SLC12A3: variants seen among roughly 807,000 people sequenced by gnomAD.
The protein encoded by SLC12A3 is solute carrier family 12 member 3.
In SLC12A3, 104 loss-of-function variants were observed where a neutral mutation model predicts 121.0. That is an observed-to-expected ratio of 0.86 (90% CI 0.73 to 1.01). The LOEUF (loss-of-function observed/expected upper bound fraction) is 1.01, where lower values mean the gene tolerates loss of function less well. Among genes scored for constraint, SLC12A3 ranks in the 50% least tolerant of loss-of-function variants. SLC12A3 has a pLI of 0.00. For synonymous variants in SLC12A3, 536 were observed against 533.4 expected (o/e 1.00, Z -0.07); for missense variants, 1,328 against 1,356.3 (o/e 0.98, Z 0.33).
rs776382586 is a variant in SLC12A3, at chr16:56,887,999, G to C, written c.2253G>C (p.Pro751=). The stretch of plus-strand genomic sequence containing the variant: ...AGAAGAACTGGCAGTCGGCTCACCC[G>C]GCCACAGTGGAAGACTACATTGGCA... ...GFKKNWQSAH[P]ATVEDYIGIL... The change falls in exon 18 of 26, where the codon CCG becomes CCC. Residue 751 remains proline, a synonymous_variant. Coordinates refer to ENST00000563236, the MANE Select transcript of SLC12A3 (RefSeq NM_001126108.2). The C allele has an allele frequency of 1.2e-6, 2 of 1,611,566 alleles. No individual in the cohort carries two copies. The highest frequency in any genetic ancestry group is 1.3e-5 in the African/African-American group (1 of 74,756).
At chr16:56,873,529 G>A (rs1273151104) in intron 8 of SLC12A3, among the ~76,000 whole-genome samples, 2 of 149,466 alleles carry the variant, frequency 1.3e-5, no homozygotes, top group African/African-American at 4.9e-5. Context: ...TGGGATTACA[G>A]GTGCCTGCCA....
chr16:56,877,728 A>G (rs1865834), intron 8 of SLC12A3, among the ~76,000 whole-genome samples: 69,760 of 151,516 alleles, frequency 0.46, 16,052 homozygotes, highest in East Asian at 0.61. Context: ...CCCTGCCCCC[A>G]CCCTTACCAC....
chr16:56,887,145 C>T, intron 17 of SLC12A3, 52 bp downstream of exon 17: 2 of 1,612,006 alleles, frequency 1.2e-6, no homozygotes, highest in East Asian at 2.2e-5. Context: ...GTGGCACAAC[C>T]TGGAAGGCAG....
intron 20 of SLC12A3, 70 bp downstream of exon 20, chr16:56,892,203 G>C (rs765793838): frequency 3.5e-6 from 5 of 1,413,406 alleles, no homozygotes; most frequent in Non-Finnish European, 5.0e-6. Flanking sequence ...TAGCCCTGTG[G>C]GGTGGCTAGG....
At chr16:56,875,438 T>C (rs754864088) in intron 8 of SLC12A3, among the ~76,000 whole-genome samples, 2 of 152,164 alleles carry the variant, frequency 1.3e-5, no homozygotes, top group Non-Finnish European at 2.9e-5. Flanking sequence ...ATCATTGTCA[T>C]TTTTACCATG....
At position 56,902,465 on chromosome 16, in the gene SLC12A3, C is replaced by T. The variant is rs1356880677; in HGVS notation, c.2813C>T (p.Pro938Leu). 6.2e-7 allele frequency: 1 copy of T among 1,608,316 alleles called. No individual in the cohort carries two copies. The highest frequency in any genetic ancestry group is 2.2e-5 in the East Asian group (1 of 44,516). ...GTCAACGAGATGCGGCGGGACTGCC[C>T]CTGGAAGATCTCAGATGAGGAGATT... ...ATVNEMRRDC[P>L]WKISDEEITK... is the part of the protein sequence containing the mutation. Residue 938 changes from proline (P) to leucine (L), a missense_variant, in exon 24 of 26, where the codon CCC becomes CTC. Pro to Leu is a moderately conservative substitution (Grantham distance 98). Coordinates refer to ENST00000563236, the MANE Select transcript of SLC12A3 (RefSeq NM_001126108.2).
rs1246678331 is a variant in SLC12A3, at chr16:56,890,278, G to A, written c.2290G>A (p.Ala764Thr). The change falls in exon 19 of 26, where the codon GCC becomes ACC. Residue 764 changes from alanine (A) to threonine (T), a missense_variant. Physicochemically the swap from Ala to Thr is moderately conservative, Grantham distance 58. Coordinates refer to ENST00000563236, the MANE Select transcript of SLC12A3 (RefSeq NM_001126108.2). ...CCTCACCTCCTCTCTTTCCAGTGAT[G>A]CCTTTGATTTCAACTATGGCGTGTG... ...VEDYIGILHD[A>T]FDFNYGVCVM... 1 of 1,614,058 alleles carries A rather than the reference G, an allele frequency of 6.2e-7. No homozygotes were observed.
chr16:56,871,935 C>T (rs2055102503), intron 6 of SLC12A3, among the ~76,000 whole-genome samples: 1 of 152,114 alleles, frequency 6.6e-6, no homozygotes, highest in African/African-American at 2.4e-5. Flanking sequence ...GTTGGCCAGG[C>T]TGATCTCGAA....
chr16:56,882,569 G>A, intron 13 of SLC12A3, 72 bp downstream of exon 13: 2 of 1,176,572 alleles, frequency 1.7e-6, no homozygotes, highest in Non-Finnish European at 1.3e-6. Flanking sequence ...TGGGGTGGGA[G>A]TGGGAGGCAT....
intron 24 of SLC12A3, 97 bp from the exon 25 acceptor site, chr16:56,904,298 G>A (rs1350875995): frequency 9.0e-7 from 1 of 1,114,718 alleles, no homozygotes; most frequent in Non-Finnish European, 1.4e-6. Flanking sequence ...AGTAAATCAT[G>A]AATCCAGTTG....
In SLC12A3 at chr16:56,879,593, G is replaced by A. The variant is rs374163823; in HGVS notation, c.1387G>A (p.Gly463Arg). 4.0e-5 allele frequency: 64 copies of A among 1,613,544 alleles called. No homozygotes were observed. The highest frequency in any genetic ancestry group is 4.7e-5 in the Non-Finnish European group (56 of 1,179,976). The change falls in exon 11 of 26, where the codon GGG (glycine) becomes AGG (arginine). Residue 463 changes from glycine to arginine, a missense_variant. Coordinates refer to ENST00000563236, the MANE Select transcript of SLC12A3 (RefSeq NM_001126108.2). The stretch of plus-strand genomic sequence containing the variant: ...GCCCCTGATCACGGCTGGCATCTTC[G>A]GGGCCACCCTCTCCTCTGCCCTGGC... ...FAPLITAGIF[G>R]ATLSSALACL...
chr16:56,886,026 G>C (rs1045488152), intron 15 of SLC12A3, among the ~76,000 whole-genome samples: 1 of 152,198 alleles, frequency 6.6e-6, no homozygotes, highest in Non-Finnish European at 1.5e-5. Context: ...TCACCTTCCC[G>C]GGTAACTGAT....
intron 20 of SLC12A3, 57 bp from the exon 21 acceptor site, chr16:56,892,896 G>A: frequency 6.8e-7 from 1 of 1,464,998 alleles, no homozygotes; most frequent in Non-Finnish European, 9.5e-7. Context: ...CCCTGGGCCA[G>A]GCCTGCCTGG....
intron 5 of SLC12A3, 141 bp downstream of exon 5, chr16:56,870,376 A>G (rs2055077113): frequency 1.0e-6 from 1 of 992,786 alleles, no homozygotes. Flanking sequence ...TGTGGGTGAG[A>G]GTGACAATCT....
chr16:56,883,006 G>C (rs2055261478), intron 13 of SLC12A3, among the ~76,000 whole-genome samples: 1 of 152,140 alleles, frequency 6.6e-6, no homozygotes, highest in South Asian at 2.1e-4. Context: ...CACTGACAGT[G>C]TGCACTTTAC....
intron 25 of SLC12A3, among the ~76,000 whole-genome samples, chr16:56,908,513 G>A (rs1485538452): frequency 6.6e-6 from 1 of 152,042 alleles, no homozygotes; most frequent in Admixed American, 6.6e-5. Flanking sequence ...TTTCTTGTGT[G>A]ACTTAAGGCA....
In SLC12A3 at chr16:56,913,622, T is replaced by C. The variant is rs1160512059; in HGVS notation, c.*217T>C. The C allele has an allele frequency of 9.9e-6, 6 of 604,168 alleles. No individual in the cohort carries two copies. The highest frequency in any genetic ancestry group is 4.0e-4 in the Middle Eastern group (1 of 2,516). 37.4% of individuals were successfully genotyped at this position (604,168 alleles called of 1,614,324 possible). On this transcript the variant is annotated 3_prime_UTR_variant, in exon 26 of 26. Coordinates refer to ENST00000563236, the MANE Select transcript of SLC12A3 (RefSeq NM_001126108.2). Reference sequence around the variant, plus strand: ...GTCTTGTGTTTATAGGCTAGAGAAATAGCAGATGGAGCTGCAAGGAAAACT... The same window carrying C: ...GTCTTGTGTTTATAGGCTAGAGAAACAGCAGATGGAGCTGCAAGGAAAACT...
At chr16:56,872,582 C>T (rs1480979174) in intron 7 of SLC12A3, 74 bp from the exon 8 acceptor site, 18 of 1,609,676 alleles carry the variant, frequency 1.1e-5, no homozygotes, top group Non-Finnish European at 1.7e-6. Context: ...TCAGGGGCTG[C>T]CTGCCCAGTG....
chr16:56,913,520 A>T lies in SLC12A3; in HGVS notation c.*115A>T. ...GTTCTGTTGCACTTTAAGTGGCAGC[A>T]TCTGATGATCTCACCGAAAAAGATG... On this transcript the variant is annotated 3_prime_UTR_variant, in exon 26 of 26. Coordinates refer to ENST00000563236, the MANE Select transcript of SLC12A3 (RefSeq NM_001126108.2). 1 of 1,058,192 alleles carries T rather than the reference A, an allele frequency of 9.5e-7. No homozygotes were observed. Among genetic ancestry groups the T allele is most frequent in the Non-Finnish European group, 1.5e-6 (1 of 675,682 alleles). 65.6% of individuals were successfully genotyped at this position (1,058,192 alleles called of 1,614,324 possible).
Sources: allele counts gnomAD v4.1 joint callset (sites outside exome capture counted in the v4.1 genomes callset), GRCh38; gene constraint gnomAD v4.1.1; transcripts MANE v1.5; gene names NCBI Gene and HGNC (gene_info 2026-07-23, HGNC 2026-07-21).